Variants in DDX19A observed in about 807,000 individuals in gnomAD.
DDX19A encodes the protein ATP-dependent RNA helicase DDX19A.
DDX19A carries 12 observed loss-of-function variants against 60.6 expected under a neutral mutation model. The ratio of observed to expected loss-of-function variants is 0.20; its 90% CI spans 0.13 to 0.32. The LOEUF is 0.32. Ranked by LOEUF, DDX19A falls within the 10% of genes least tolerant of loss-of-function variation. DDX19A has a pLI of 1.00. For missense variants in DDX19A, 337 were observed against 600.6 expected (o/e 0.56, Z 4.59); for synonymous variants, 206 against 218.2 (o/e 0.94, Z 0.49).
At chr16:70,353,695 G>A (rs567512113) in intron 2 of DDX19A, among the ~76,000 whole-genome samples, 3,080 of 150,872 alleles carry the variant, frequency 0.02, 51 homozygotes, top group Non-Finnish European at 0.032. Flanking sequence ...GAGGTCGGGA[G>A]TTTGAGACCA....
rs1377253261 is a variant in DDX19A at position 70,372,732 on chromosome 16, C to T, written c.*746C>T. On this transcript the variant is annotated 3_prime_UTR_variant, in exon 12 of 12. Coordinates refer to ENST00000302243, the MANE Select transcript of DDX19A (RefSeq NM_018332.5). Reference sequence around the variant, plus strand: ...CCTTCTCTTCTCTCGGTTGCTCCCTCTGCCTAGGCCCCTGGTACTCAGTCA... The same window carrying T: ...CCTTCTCTTCTCTCGGTTGCTCCCTTTGCCTAGGCCCCTGGTACTCAGTCA... 1 of 152,456 alleles carries T rather than the reference C, an allele frequency of 6.6e-6. No individual in the cohort carries two copies. The highest frequency in any genetic ancestry group is 1.5e-5 in the Non-Finnish European group (1 of 68,256). The allele number at this position is 152,456 out of a possible 1,614,324, so 9.4% of individuals were successfully genotyped here. A position where few individuals can be genotyped will look rare whatever the true frequency, so the allele number is the denominator to read the frequency against.
chr16:70,351,703 T>C (rs1453828233), intron 2 of DDX19A, among the ~76,000 whole-genome samples: 1 of 151,494 alleles, frequency 6.6e-6, no homozygotes, highest in East Asian at 1.9e-4. Flanking sequence ...TTTTTTTTTG[T>C]ATTTTTAGTA....
At chr16:70,369,898 A>C (rs553483734) in intron 9 of DDX19A, among the ~76,000 whole-genome samples, 1 of 152,252 alleles carries the variant, frequency 6.6e-6, no homozygotes, top group Admixed American at 6.5e-5. Context: ...GGTGTGAGCC[A>C]CCATGCCCAG....
chr16:70,365,158 A>G, intron 7 of DDX19A, 27 bp downstream of exon 7: 4 of 1,502,166 alleles, frequency 2.7e-6, no homozygotes, highest in Non-Finnish European at 2.8e-6. Context: ...ACAACTGAAC[A>G]GTGAGCAGGG....
intron 2 of DDX19A, 82 bp from the exon 3 acceptor site, chr16:70,355,403 A>G: frequency 1.0e-6 from 1 of 974,638 alleles, no homozygotes; most frequent in South Asian, 1.4e-5. Flanking sequence ...AATAAATTTC[A>G]GTGTATTTAT....
intron 5 of DDX19A, chr16:70,363,412 C>G (rs1468322226): frequency 1.3e-5 from 2 of 152,152 alleles, no homozygotes; most frequent in Non-Finnish European, 2.9e-5. Context: ...TCTCAGCTCA[C>G]CGCAACCTTC....
In DDX19A at chr16:70,371,430, C is replaced by T. The variant is rs769332665; in HGVS notation, c.1242C>T (p.Asp414=). The change falls in exon 11 of 12, where the codon GAC becomes GAT. Residue 414 remains aspartate (D), a synonymous_variant. Coordinates refer to ENST00000302243, the MANE Select transcript of DDX19A (RefSeq NM_018332.5). ...ACTTTGATCTTCCCGTGGACAAGGACGGGAATCCTGACAATGAGACCTACC... is the reference window on the plus strand; with the variant it reads ...ACTTTGATCTTCCCGTGGACAAGGATGGGAATCCTGACAATGAGACCTACC... ...VINFDLPVDK[D]GNPDNETYLH... The T allele has an allele frequency of 1.7e-5, 28 of 1,613,172 alleles. No homozygotes were observed. Among genetic ancestry groups the T allele is most frequent in the African/African-American group, 2.7e-5 (2 of 74,670 alleles).
intron 2 of DDX19A, among the ~76,000 whole-genome samples, chr16:70,353,219 ATTC>A (rs1964080759): frequency 6.6e-6 from 1 of 151,222 alleles, no homozygotes; most frequent in Non-Finnish European, 1.5e-5. Flanking sequence ...GGTTCAAGCA[ATTC>A]TTCTGTCTCT....
At position 70,350,697 on chromosome 16, in the gene DDX19A, G is replaced by A. The variant is rs374512359; in HGVS notation, c.106+92G>A. 2.7e-5 allele frequency: 26 copies of A among 953,658 alleles called. 1 individual carries two copies. The highest frequency in any genetic ancestry group is 7.9e-5 in the South Asian group (5 of 63,068). 59.1% of individuals were successfully genotyped at this position (953,658 alleles called of 1,614,324 possible). Reference sequence around the variant, plus strand: ...GCATTGTACAAAGAGCTGTCATTTCGTGTAAACTTCAGCTGTTTACAAGCC... The same window carrying A: ...GCATTGTACAAAGAGCTGTCATTTCATGTAAACTTCAGCTGTTTACAAGCC... On this transcript the variant is annotated intron_variant, in intron 2 of 11. Coordinates refer to ENST00000302243, the MANE Select transcript of DDX19A (RefSeq NM_018332.5).
At position 70,370,480 on chromosome 16, in the gene DDX19A, C is replaced by A. The variant is rs562264441; in HGVS notation, c.1183+95C>A. 1.0e-5 allele frequency: 15 copies of A among 1,495,318 alleles called. No individual in the cohort carries two copies. In the South Asian group the frequency reaches 1.9e-4, roughly 19 times the overall value. The allele number at this position is 1,495,318 out of a possible 1,614,324, so 92.6% of individuals were successfully genotyped here. ...CTTGTATACAGGGAAGTCGGATGGT[C>A]TCAGGGAGATGGGTGGGGTTGGTGA... On this transcript the variant is annotated intron_variant, in intron 10 of 11. Transcript: ENST00000302243.
chr16:70,347,470 C>T lies in DDX19A; in HGVS notation c.57+422C>T, dbSNP rs141038415. On this transcript the variant is annotated intron_variant, in intron 1 of 11. Coordinates refer to ENST00000302243, the MANE Select transcript of DDX19A (RefSeq NM_018332.5). ...AGCTCTTTGCAGAATAACAGATTGA[C>T]TTTTGGATTTAATACCTCAATCTAC... 4.8e-3 allele frequency among the ~76,000 whole-genome samples: 725 copies of T among 152,274 alleles called. 7 individuals carry two copies. The highest frequency in any genetic ancestry group is 0.016 in the African/African-American group (674 of 41,562).
rs539518257 is a variant in DDX19A at position 70,371,224 on chromosome 16, A to G, written c.1184-148A>G. The G allele has an allele frequency of 2.2e-6, 3 of 1,393,870 alleles. No individual in the cohort carries two copies. The South Asian group carries it at 4.0e-5, about 18-fold the overall frequency. 86.3% of individuals were successfully genotyped at this position (1,393,870 alleles called of 1,614,324 possible). A position where few individuals can be genotyped will look rare whatever the true frequency, so the allele number is the denominator to read the frequency against. ...CCTCTGGGTTCTGTTGCCTGCCTAT[A>G]TGTGTGCCCTCTCTTGTACCCAGAG... On this transcript the variant is annotated intron_variant, in intron 10 of 11. Transcript: ENST00000302243.
At chr16:70,352,439 C>T (rs1555551955) in intron 2 of DDX19A, among the ~76,000 whole-genome samples, 1 of 151,746 alleles carries the variant, frequency 6.6e-6, no homozygotes, top group Non-Finnish European at 1.5e-5. Flanking sequence ...TGTCCGCCAT[C>T]ATGCCCAGCT....
intron 7 of DDX19A, 199 bp from the exon 8 acceptor site, chr16:70,365,886 C>T (rs1964504722): frequency 1.4e-6 from 1 of 709,212 alleles, no homozygotes; most frequent in Admixed American, 2.6e-5. Flanking sequence ...GGGATTTGAT[C>T]CTGACCACAG....
intron 4 of DDX19A, among the ~76,000 whole-genome samples, chr16:70,360,029 C>G (rs1964321425): frequency 6.6e-6 from 1 of 152,078 alleles, no homozygotes; most frequent in Non-Finnish European, 1.5e-5. Flanking sequence ...GCCTGTAATC[C>G]TAGCACTTTG....
intron 5 of DDX19A, 117 bp from the exon 6 acceptor site, chr16:70,364,426 C>A (rs1246085924): frequency 9.8e-6 from 7 of 711,620 alleles, no homozygotes; most frequent in African/African-American, 7.1e-5. Context: ...ATGGAGAAAA[C>A]CTGGGTAATA....
intron 5 of DDX19A, among the ~76,000 whole-genome samples, chr16:70,363,013 CAA>C (rs774331485): frequency 1.5e-4 from 13 of 84,736 alleles, no homozygotes; most frequent in Admixed American, 2.8e-4. Flanking sequence ...GACTCTGTCT[CAA>C]AAAAAAAAAA....
rs567548025 is a variant in DDX19A at position 70,358,838 on chromosome 16, C to T, written c.294-2580C>T. The stretch of plus-strand genomic sequence containing the variant: ...TGCACTCCAGCCTGGGAGATAAAAG[C>T]GAAACTCCTTCTCAAACGGAAATTA... On this transcript the variant is annotated intron_variant, in intron 4 of 11. Coordinates refer to ENST00000302243, the MANE Select transcript of DDX19A (RefSeq NM_018332.5). Among the ~76,000 whole-genome samples the T allele has an allele frequency of 7.2e-5, 11 of 152,162 alleles. No individual in the cohort carries two copies. In the South Asian group the frequency reaches 1.5e-3, roughly 20 times the overall value.
rs1248109706 is a variant in DDX19A, at chr16:70,356,195, C to T, written c.241C>T (p.Arg81Trp). The change falls in exon 4 of 12, where the codon CGG (arginine) becomes TGG (tryptophan). Residue 81 changes from arginine (R) to tryptophan (W), a missense_variant. Arg to Trp is a moderately radical substitution (Grantham distance 101). Coordinates refer to ENST00000302243, the MANE Select transcript of DDX19A (RefSeq NM_018332.5). The stretch of plus-strand genomic sequence containing the variant: ...CACAAACCAAGTGGAAGTCCTGCAA[C>T]GGGATCCAAACTCCCCTCTGTACTC... ...DNTNQVEVLQ[R>W]DPNSPLYSVK... 11 of 1,613,936 alleles carry T rather than the reference C, an allele frequency of 6.8e-6. No individual in the cohort carries two copies. The highest frequency in any genetic ancestry group is 2.2e-5 in the South Asian group (2 of 91,082).
Sources: allele counts gnomAD v4.1 joint callset (sites outside exome capture counted in the v4.1 genomes callset), GRCh38; gene constraint gnomAD v4.1.1; transcripts MANE v1.5; gene names NCBI Gene and HGNC (gene_info 2026-07-23, HGNC 2026-07-21).